Variants in TEKT4 observed in about 807,000 individuals in gnomAD.
TEKT4 encodes tektin 4.
Under a neutral mutation model 46.0 loss-of-function variants are expected in TEKT4, and 46 were observed. The observed-to-expected ratio is 1.00, with a 90% CI of 0.79 to 1.28. The LOEUF (loss-of-function observed/expected upper bound fraction) is 1.28, where lower values mean the gene tolerates loss of function less well. TEKT4 is among the 50% of genes most tolerant of loss of function. The pLI is 0.00. For synonymous variants in TEKT4, 325 were observed against 265.8 expected (o/e 1.22, Z -2.17); for missense variants, 790 against 622.9 (o/e 1.27, Z -2.85).
At chr2:94,873,032 C>T (rs1299032168) in intron 1 of TEKT4, 7 of 1,286,160 alleles carry the variant, frequency 5.4e-6, no homozygotes, top group East Asian at 5.6e-5. Flanking sequence ...AGGCTTGTTC[C>T]TACACACAGC....
At position 94,871,939 on chromosome 2, in the gene TEKT4, G is replaced by T; in HGVS notation, c.360G>T (p.Leu120=). ...EALAAETNLL[L]AQKQRLERAL... is the part of the protein sequence containing the mutation. The stretch of plus-strand genomic sequence containing the variant: ...TGGCTGCGGAGACCAACTTGCTCCT[G>T]GCCCAGAAGCAACGGCTGGAGCGCG... Residue 120 remains leucine (L), a synonymous_variant, in exon 1 of 6, where the codon CTG becomes CTT. Coordinates refer to ENST00000295201, the MANE Select transcript of TEKT4 (RefSeq NM_144705.4). 1 of 1,600,832 alleles carries T rather than the reference G, an allele frequency of 6.2e-7. No homozygotes were observed.
rs1390300655 is a variant in TEKT4 at position 94,874,959 on chromosome 2, G to A, written c.897G>A (p.Leu299=). Residue 299 remains leucine (L), a synonymous_variant, in exon 4 of 6, where the codon CTG becomes CTA. Transcript: ENST00000295201. ...NLAFGRRCEE[L]EDARYKLHHH... is the part of the protein sequence containing the mutation. ...CCTTCGGGCGCCGCTGTGAGGAGCT[G>A]GAGGACGCGCGGTACAAGCTGCATC... 6.2e-7 allele frequency: 1 copy of A among 1,610,882 alleles called. No individual in the cohort carries two copies. Among genetic ancestry groups the A allele is most frequent in the East Asian group, 2.2e-5 (1 of 44,796 alleles).
intron 5 of TEKT4, among the ~76,000 whole-genome samples, chr2:94,875,956 T>C (rs1414191119): frequency 6.6e-6 from 1 of 152,188 alleles, no homozygotes; most frequent in Non-Finnish European, 1.5e-5. Flanking sequence ...GGGCTCCCAG[T>C]GCCAGGGACC....
chr2:94,871,527 C>A lies in TEKT4; in HGVS notation c.-53C>A. 2.7e-6 allele frequency: 4 copies of A among 1,508,384 alleles called. No homozygotes were observed. The South Asian group carries it at 5.3e-5, about 20-fold the overall frequency. 93.4% of individuals were successfully genotyped at this position (1,508,384 alleles called of 1,614,324 possible). ...CTGACCGCACTAGGCTGACCGCAAC[C>A]GGCTGACCACACACAGTCCTCACTC... On this transcript the variant is annotated 5_prime_UTR_variant, in exon 1 of 6. Transcript: ENST00000295201.
Position 94,876,795 on chromosome 2 carries a change from T to TC in TEKT4, c.*31dup, listed in dbSNP as rs1221866114. On this transcript the variant is annotated 3_prime_UTR_variant, in exon 6 of 6. Transcript: ENST00000295201. ...GCAGCGGCACGGTGCTTCCCCCCAG[T>TC]CCCCCAAATAAACAGCGCGTTAGCT... is the stretch of plus-strand genomic sequence containing the variant. The TC allele has an allele frequency of 1.3e-6, 2 of 1,594,114 alleles. No individual in the cohort carries two copies. The highest frequency in any genetic ancestry group is 2.7e-5 in the African/African-American group (2 of 74,640).
chr2:94,874,204 G>A (rs76096185), intron 3 of TEKT4, 96 bp downstream of exon 3: 44 of 1,406,012 alleles, frequency 3.1e-5, no homozygotes, highest in Admixed American at 6.1e-5. Flanking sequence ...AGCCTGGCCC[G>A]GAGGCCCTCG....
In TEKT4 at chr2:94,871,815, T is replaced by C. The variant is rs1553394573; in HGVS notation, c.236T>C (p.Leu79Pro). The change falls in exon 1 of 6, where the codon CTG (leucine) becomes CCG (proline). Residue 79 changes from leucine (L) to proline (P), a missense_variant. Coordinates refer to ENST00000295201, the MANE Select transcript of TEKT4 (RefSeq NM_144705.4). ...CAGCTGGCCACAGAGACCCAGGCGC[T>C]GGCGCAGCGCACGCAGCAAGACTCC... The part of the protein sequence containing the change: ...SQQLATETQA[L>P]AQRTQQDSTR... 1 of 1,609,154 alleles carries C rather than the reference T, an allele frequency of 6.2e-7. No individual in the cohort carries two copies. Among genetic ancestry groups the C allele is most frequent in the Non-Finnish European group, 8.5e-7 (1 of 1,177,936 alleles).
intron 1 of TEKT4, 128 bp downstream of exon 1, chr2:94,872,205 C>G: frequency 8.0e-7 from 1 of 1,250,188 alleles, no homozygotes; most frequent in Non-Finnish European, 1.1e-6. Context: ...GCACGTGAGA[C>G]CCCTGAGTCC....
chr2:94,872,938 C>A, intron 1 of TEKT4: 1 of 1,289,432 alleles, frequency 7.8e-7, no homozygotes, highest in South Asian at 1.2e-5. Flanking sequence ...GAGGCAAACC[C>A]AGGGATAGAG....
Position 94,874,969 on chromosome 2 carries a change from C to G in TEKT4, c.907C>G (p.Arg303Gly), listed in dbSNP as rs782046554. 1.2e-6 allele frequency: 2 copies of G among 1,609,364 alleles called. No individual in the cohort carries two copies. Among genetic ancestry groups the G allele is most frequent in the Non-Finnish European group, 1.7e-6 (2 of 1,178,886 alleles). ...GRRCEELEDARYKLHHHLHKT... is the reference protein window; with the variant it reads ...GRRCEELEDAGYKLHHHLHKT... ...CCGCTGTGAGGAGCTGGAGGACGCG[C>G]GGTACAAGCTGCATCACCACCTGCA... is the stretch of plus-strand genomic sequence containing the variant. Residue 303 changes from arginine to glycine, a missense_variant, in exon 4 of 6, where the codon CGG (arginine) becomes GGG (glycine). Coordinates refer to ENST00000295201, the MANE Select transcript of TEKT4 (RefSeq NM_144705.4).
At chr2:94,873,855 ACC>A (rs1219461012) in intron 2 of TEKT4, 108 bp from the exon 3 acceptor site, 1 of 1,475,288 alleles carries the variant, frequency 6.8e-7, no homozygotes, top group African/African-American at 1.4e-5. Context: ...GGACAGGCCC[ACC>A]CAGAACTCCC....
At position 94,871,761 on chromosome 2, in the gene TEKT4, A is replaced by G; in HGVS notation, c.182A>G (p.Gln61Arg). 1 of 1,612,506 alleles carries G rather than the reference A, an allele frequency of 6.2e-7. No homozygotes were observed. The highest frequency in any genetic ancestry group is 8.5e-7 in the Non-Finnish European group (1 of 1,179,826). Residue 61 changes from glutamine (Q) to arginine (R), a missense_variant, in exon 1 of 6, where the codon CAG (glutamine) becomes CGG (arginine). Transcript: ENST00000295201. ...CACCAGGCCTTCGCCGACCGCGACC[A>G]GTCGGAGCGGCAGCGGCACGAGAGC... ...RYHQAFADRD[Q>R]SERQRHESQQ...
At position 94,872,134 on chromosome 2, in the gene TEKT4, C is replaced by A. The variant is rs560133691; in HGVS notation, c.498+57C>A. 1.0e-3 allele frequency: 1,547 copies of A among 1,475,768 alleles called. 13 individuals are homozygous for A. In the Middle Eastern group the frequency reaches 0.013, roughly 12 times the overall value. 91.4% of individuals were successfully genotyped at this position (1,475,768 alleles called of 1,614,324 possible). A position where few individuals can be genotyped will look rare whatever the true frequency, so the allele number is the denominator to read the frequency against. Reference sequence around the variant, plus strand: ...GGGCGCAGAGAGGAGGAGCCCCCCCCCCCGCAGTTCATGTGGACAAGCCAC... The same window carrying A: ...GGGCGCAGAGAGGAGGAGCCCCCCCACCCGCAGTTCATGTGGACAAGCCAC... On this transcript the variant is annotated intron_variant, in intron 1 of 5. Transcript: ENST00000295201.
At position 94,871,945 on chromosome 2, in the gene TEKT4, G is replaced by A. The variant is rs1553394681; in HGVS notation, c.366G>A (p.Gln122=). 1.2e-6 allele frequency: 2 copies of A among 1,601,606 alleles called. No homozygotes were observed. The highest frequency in any genetic ancestry group is 2.2e-5 in the East Asian group (1 of 44,696). ...LAAETNLLLA[Q]KQRLERALDA... Reference sequence around the variant, plus strand: ...CGGAGACCAACTTGCTCCTGGCCCAGAAGCAACGGCTGGAGCGCGCCCTGG... The same window carrying A: ...CGGAGACCAACTTGCTCCTGGCCCAAAAGCAACGGCTGGAGCGCGCCCTGG... The change falls in exon 1 of 6, where the codon CAG becomes CAA. Residue 122 remains glutamine (Q), a synonymous_variant. Transcript: ENST00000295201.
In TEKT4 at chr2:94,871,842, C is replaced by T. The variant is rs371847557; in HGVS notation, c.263C>T (p.Thr88Met). ...ALAQRTQQDS[T>M]RTVGERLQDT... ...GCGCAGCGCACGCAGCAAGACTCCA[C>T]GCGCACAGTGGGCGAGCGACTGCAG... The change falls in exon 1 of 6, where the codon ACG (threonine) becomes ATG (methionine). Residue 88 changes from threonine to methionine, a missense_variant. Thr to Met is a moderately conservative substitution (Grantham distance 81). Transcript: ENST00000295201. 2.6e-5 allele frequency: 41 copies of T among 1,606,928 alleles called. No homozygotes were observed. Among genetic ancestry groups the T allele is most frequent in the African/African-American group, 1.2e-4 (9 of 74,896 alleles).
chr2:94,872,132 C>CG (rs572936830), intron 1 of TEKT4, 55 bp downstream of exon 1: 20 of 1,475,880 alleles, frequency 1.4e-5, no homozygotes, highest in Non-Finnish European at 1.8e-5. Flanking sequence ...AGGAGCCCCC[C>CG]CCCCCGCAGT....
intron 3 of TEKT4, among the ~76,000 whole-genome samples, chr2:94,874,439 C>T (rs1415166529): frequency 3.6e-5 from 5 of 139,392 alleles, no homozygotes; most frequent in African/African-American, 5.6e-5. Flanking sequence ...AAAGAGGGCG[C>T]GGGCGCTGGG....
Position 94,871,988 on chromosome 2 carries a change from T to A in TEKT4, c.409T>A (p.Phe137Ile). The change falls in exon 1 of 6, where the codon TTC (phenylalanine) becomes ATC (isoleucine). Residue 137 changes from phenylalanine to isoleucine, a missense_variant. Phe to Ile is a conservative substitution (Grantham distance 21). Coordinates refer to ENST00000295201, the MANE Select transcript of TEKT4 (RefSeq NM_144705.4). ...ERALDATEVP[F>I]SITTDNLQCR... ...CGCCCTGGACGCCACAGAGGTGCCC[T>A]TCTCCATCACCACTGACAACCTGCA... The A allele has an allele frequency of 6.3e-7, 1 of 1,599,826 alleles. No homozygotes were observed. Among genetic ancestry groups the A allele is most frequent in the Non-Finnish European group, 8.5e-7 (1 of 1,174,916 alleles).
chr2:94,872,928 G>A (rs1553395101), intron 1 of TEKT4: 20 of 1,289,454 alleles, frequency 1.6e-5, no homozygotes, highest in South Asian at 3.7e-5. Flanking sequence ...AGTGCACGGA[G>A]AGGCAAACCC....
Sources: gnomAD v4.1 joint callset for allele counts (sites outside exome capture counted in the v4.1 genomes callset) on GRCh38, gnomAD v4.1.1 for gene constraint, MANE v1.5 for transcripts, NCBI Gene and HGNC (gene_info 2026-07-23, HGNC 2026-07-21) for gene names.